Variants in RSPO1 observed in about 807,000 individuals in gnomAD.
RSPO1 encodes the protein R-spondin 1.
A neutral mutation model predicts 26.0 loss-of-function variants in RSPO1; 18 were observed. That is an observed-to-expected ratio of 0.69 (90% CI 0.48 to 1.03). The LOEUF is 1.03. RSPO1 is among the 50% of genes least tolerant of loss of function. The pLI is 0.00. For missense variants in RSPO1, 309 were observed against 352.3 expected, an observed-to-expected ratio of 0.88 and a Z score of 0.98; for synonymous variants, 133 against 137.4, an observed-to-expected ratio of 0.97 and a Z score of 0.22.
chr1:37,622,500 G>C (rs1384949951), intron 3 of RSPO1, among the ~76,000 whole-genome samples: 1 of 151,998 alleles, frequency 6.6e-6, no homozygotes, highest in Admixed American at 6.5e-5. Context: ...GACAGGGCAA[G>C]ACCCTGACTC....
rs1225712313 is a variant in RSPO1 at position 37,613,703 on chromosome 1, C to T, written c.625+1G>A. 2 of 1,610,530 alleles carry T rather than the reference C, an allele frequency of 1.2e-6. No homozygotes were observed. Among genetic ancestry groups the T allele is most frequent in the Non-Finnish European group, 1.7e-6 (2 of 1,177,550 alleles). ...CCAGGGAGGCAGAGGCTGCAGCTCA[C>T]CCTCAGGACACGGCACTCTCCTCAC... On this transcript the variant is annotated splice_donor_variant, in intron 6 of 6. Coordinates refer to ENST00000356545, the MANE Select transcript of RSPO1 (RefSeq NM_001242908.2). LOFTEE classifies it high-confidence loss of function. The surrounding 1 kb of genome is among the most constrained non-coding windows in gnomAD (Gnocchi z 4.5).
intron 3 of RSPO1, among the ~76,000 whole-genome samples, chr1:37,617,637 G>A (rs954113352): frequency 4.0e-4 from 48 of 118,768 alleles, no homozygotes; most frequent in Middle Eastern, 6.5e-3. Flanking sequence ...ACTCCAGCCC[G>A]GATGACAGAG....
chr1:37,620,812 CATT>C (rs1644189038), intron 3 of RSPO1, among the ~76,000 whole-genome samples: 2 of 152,044 alleles, frequency 1.3e-5, no homozygotes, highest in African/African-American at 4.8e-5. Flanking sequence ...ATTCACGAGT[CATT>C]ATAGATTTTA....
chr1:37,620,874 T>G (rs192786984), intron 3 of RSPO1, among the ~76,000 whole-genome samples: 3 of 152,176 alleles, frequency 2.0e-5, no homozygotes, highest in Non-Finnish European at 4.4e-5. Flanking sequence ...ACTCACTGTT[T>G]TGATTTAATT....
intron 2 of RSPO1, among the ~76,000 whole-genome samples, chr1:37,631,492 C>T (rs185429738): frequency 1.3e-5 from 2 of 152,338 alleles, no homozygotes; most frequent in East Asian, 3.9e-4. Flanking sequence ...GTTTATCAAA[C>T]TGGGGTCTTC....
rs866196341 is a variant in RSPO1, at chr1:37,613,228, A to G, written c.626-307T>C. Among the ~76,000 whole-genome samples, 3 of 152,198 alleles carry G rather than the reference A, an allele frequency of 2.0e-5. No individual in the cohort carries two copies. The highest frequency in any genetic ancestry group is 6.5e-5 in the Admixed American group (1 of 15,280). On this transcript the variant is annotated intron_variant, in intron 6 of 6. Coordinates refer to ENST00000356545, the MANE Select transcript of RSPO1 (RefSeq NM_001242908.2). The surrounding 1 kb of genome is among the most constrained non-coding windows in gnomAD (Gnocchi z 4.5). ...CCTTGGATCCCAATGGACCAAGAGC[A>G]CTTCCCAGGTATTCAGTGCAACTCT...
chr1:37,630,833 T>A (rs1644349854), intron 2 of RSPO1, among the ~76,000 whole-genome samples: 1 of 151,394 alleles, frequency 6.6e-6, no homozygotes. Flanking sequence ...CACCCCACAC[T>A]CCCCCACACA....
At chr1:37,624,792 C>G (rs1220255225) in intron 3 of RSPO1, among the ~76,000 whole-genome samples, 1 of 152,188 alleles carries the variant, frequency 6.6e-6, no homozygotes, top group African/African-American at 2.4e-5. Flanking sequence ...CTATCAATAG[C>G]TCCCTATCAC....
At position 37,613,813 on chromosome 1, in the gene RSPO1, G is replaced by A. The variant is rs918027632; in HGVS notation, c.516C>T (p.Ser172=). 33 of 1,613,898 alleles carry A rather than the reference G, an allele frequency of 2.0e-5. No individual in the cohort carries two copies. Among genetic ancestry groups the A allele is most frequent in the African/African-American group, 4.0e-5 (3 of 74,916 alleles). ...KQQLCGFRRG[S]EERTRRVLHA... is the part of the protein sequence containing the mutation. ...GTAGCACCCTGCGTGTCCGCTCCTC[G>A]GAGCCCCTCCGGAAACCACAGAGCT... The change falls in exon 6 of 7, where the codon TCC becomes TCT. Residue 172 remains serine (S), a synonymous_variant. Coordinates refer to ENST00000356545, the MANE Select transcript of RSPO1 (RefSeq NM_001242908.2). The surrounding 1 kb of genome is among the most constrained non-coding windows in gnomAD (Gnocchi z 4.5).
chr1:37,623,601 G>A lies in RSPO1; in HGVS notation c.94+5967C>T, dbSNP rs528050532. 3.5e-4 allele frequency among the ~76,000 whole-genome samples: 53 copies of A among 152,022 alleles called. No individual in the cohort carries two copies. In the South Asian group the frequency reaches 8.5e-3, roughly 24 times the overall value. On this transcript the variant is annotated intron_variant, in intron 3 of 6. Transcript: ENST00000356545. Reference sequence around the variant, plus strand: ...TGGATCGACCATGGCATGGAAAATAGGGCTTTATATAGCACGTGCCTGTAA... The same window carrying A: ...TGGATCGACCATGGCATGGAAAATAAGGCTTTATATAGCACGTGCCTGTAA...
Position 37,630,736 on chromosome 1 carries a change from G to A in RSPO1, c.-288-787C>T, listed in dbSNP as rs375994324. Among the ~76,000 whole-genome samples, 12 of 152,320 alleles carry A rather than the reference G, an allele frequency of 7.9e-5. No individual in the cohort carries two copies. The East Asian group carries it at 1.4e-3, about 17-fold the overall frequency. On this transcript the variant is annotated intron_variant, in intron 2 of 6. Transcript: ENST00000356545. ...ACATCTGAGCCCAACCTGGGAGTGA[G>A]AATGAAAACCCTGCTTCCCCGTCAC... is the stretch of plus-strand genomic sequence containing the variant.
chr1:37,618,926 A>G (rs1322029285), intron 3 of RSPO1, among the ~76,000 whole-genome samples: 1 of 152,186 alleles, frequency 6.6e-6, no homozygotes, highest in Non-Finnish European at 1.5e-5. Flanking sequence ...GAAGGGCAAC[A>G]AGAGCCAGGC....
chr1:37,618,315 T>C (rs1644148237), intron 3 of RSPO1, among the ~76,000 whole-genome samples: 1 of 152,218 alleles, frequency 6.6e-6, no homozygotes, highest in African/African-American at 2.4e-5. Context: ...GCAGGCCTAA[T>C]GGAAGCTTTA....
Position 37,624,110 on chromosome 1 carries a change from T to C in RSPO1, c.94+5458A>G, listed in dbSNP as rs1372373413. 2.0e-5 allele frequency among the ~76,000 whole-genome samples: 3 copies of C among 151,954 alleles called. No homozygotes were observed. In the East Asian group the frequency reaches 5.8e-4, roughly 29 times the overall value. ...GAAAGCGACCAATGGAAGGGCATCG[T>C]TGGGTTGGTAGTTTAGAAAGCTCTC... On this transcript the variant is annotated intron_variant, in intron 3 of 6. Transcript: ENST00000356545.
chr1:37,621,429 C>A (rs1260326007), intron 3 of RSPO1, among the ~76,000 whole-genome samples: 1 of 152,048 alleles, frequency 6.6e-6, no homozygotes, highest in Admixed American at 6.5e-5. Context: ...TCCAGGAGAG[C>A]TGGGCTGAGC....
intron 3 of RSPO1, among the ~76,000 whole-genome samples, chr1:37,619,842 T>C (rs1401579534): frequency 6.6e-6 from 1 of 151,718 alleles, no homozygotes; most frequent in East Asian, 1.9e-4. Flanking sequence ...CCGCCTCCCA[T>C]GTACAAGCGA....
At chr1:37,632,853 T>C (rs1644379543) in intron 1 of RSPO1, among the ~76,000 whole-genome samples, 1 of 152,210 alleles carries the variant, frequency 6.6e-6, no homozygotes, top group South Asian at 2.1e-4. Flanking sequence ...AGAGAGGAGA[T>C]ATGAGCTGAT....
Position 37,629,884 on chromosome 1 carries a change from G to A in RSPO1, c.-223C>T. 3 of 1,550,072 alleles carry A rather than the reference G, an allele frequency of 1.9e-6. No homozygotes were observed. The South Asian group carries it at 3.6e-5, about 18-fold the overall frequency. ...GTCCTCAAAGAGAGACTTCCTCAAA[G>A]ATACCTCGGAATATCATATGAGAGA... On this transcript the variant is annotated 5_prime_UTR_variant, in exon 3 of 7. Coordinates refer to ENST00000356545, the MANE Select transcript of RSPO1 (RefSeq NM_001242908.2).
intron 2 of RSPO1, among the ~76,000 whole-genome samples, chr1:37,631,331 G>A (rs1258940585): frequency 6.6e-6 from 1 of 152,190 alleles, no homozygotes; most frequent in African/African-American, 2.4e-5. Context: ...CTGAGCCAGA[G>A]GAGATGCCCC....
Sources: allele counts gnomAD v4.1 joint callset (sites outside exome capture counted in the v4.1 genomes callset), GRCh38; gene constraint gnomAD v4.1.1; non-coding constraint Gnocchi (gnomAD v3.1); transcripts MANE v1.5; gene names NCBI Gene and HGNC (gene_info 2026-07-23, HGNC 2026-07-21).